The following NFIA variants were observed in gnomAD, a reference collection of about 807,000 sequenced individuals.
NFIA encodes nuclear factor I A.
In NFIA, 8 loss-of-function variants were observed where a neutral mutation model predicts 62.8. That is an observed-to-expected ratio of 0.13 (90% CI 0.07 to 0.23). The LOEUF (loss-of-function observed/expected upper bound fraction) is 0.23. Ranked by LOEUF, NFIA falls within the 10% of genes least tolerant of loss-of-function variation. The probability of loss-of-function intolerance (pLI) is 1.00; values close to 1 mark genes in which losing one functional copy is unlikely to be tolerated. For missense variants in NFIA, 410 were observed against 642.1 expected (o/e 0.64, Z 3.91); for synonymous variants, 235 against 238.1 (o/e 0.99, Z 0.12).
At chr1:61,296,148 A>G (rs1240792511) in intron 3 of NFIA, among the ~76,000 whole-genome samples, 1 of 152,216 alleles carries the variant, frequency 6.6e-6, no homozygotes, top group Non-Finnish European at 1.5e-5. Flanking sequence ...TTAAAAGTAT[A>G]AGCATCCAAA....
At chr1:61,411,655 A>T (rs958749438) in intron 9 of NFIA, among the ~76,000 whole-genome samples, 1 of 152,022 alleles carries the variant, frequency 6.6e-6, no homozygotes, top group African/African-American at 2.4e-5. Context: ...TGAACAAAAT[A>T]GTGAGTACGA....
At chr1:61,306,899 T>G (rs1338698181) in intron 3 of NFIA, among the ~76,000 whole-genome samples, 1 of 152,078 alleles carries the variant, frequency 6.6e-6, no homozygotes, top group Non-Finnish European at 1.5e-5. Context: ...TAAGCCAAAG[T>G]TTAGGAACCA....
At chr1:61,137,651 T>G (rs1206103439) in intron 2 of NFIA, among the ~76,000 whole-genome samples, 1 of 152,164 alleles carries the variant, frequency 6.6e-6, no homozygotes, top group Non-Finnish European at 1.5e-5. Context: ...GGCGTTAGCA[T>G]TTTTTAAAGC....
chr1:61,300,809 C>A (rs1570540597), intron 3 of NFIA, among the ~76,000 whole-genome samples: 1 of 151,746 alleles, frequency 6.6e-6, no homozygotes, highest in Non-Finnish European at 1.5e-5. Flanking sequence ...CATGTATAAA[C>A]CTCCATTTTT....
intron 2 of NFIA, among the ~76,000 whole-genome samples, chr1:61,141,507 G>A (rs1320479997): frequency 6.6e-6 from 1 of 152,180 alleles, no homozygotes; most frequent in Admixed American, 6.5e-5. Context: ...AGCCCTTGAA[G>A]GGGAGGCAAT....
At chr1:61,299,722 A>G (rs1307642432) in intron 3 of NFIA, among the ~76,000 whole-genome samples, 1 of 152,182 alleles carries the variant, frequency 6.6e-6, no homozygotes, top group Non-Finnish European at 1.5e-5. Context: ...TGTTTGTATT[A>G]CAATGCTCTG....
chr1:61,446,984 G>A (rs910622195), intron 10 of NFIA, among the ~76,000 whole-genome samples: 10 of 152,310 alleles, frequency 6.6e-5, no homozygotes, highest in African/African-American at 2.4e-4. Context: ...CCAACCCCAA[G>A]TGTTTCTGTC....
At chr1:61,427,623 G>A (rs1666928487) in intron 10 of NFIA, among the ~76,000 whole-genome samples, 1 of 152,152 alleles carries the variant, frequency 6.6e-6, no homozygotes, top group South Asian at 2.1e-4. Context: ...AAGGGCTTTG[G>A]TTTATTGCTA....
chr1:61,134,305 T>G (rs189003113), intron 2 of NFIA, among the ~76,000 whole-genome samples: 108 of 151,892 alleles, frequency 7.1e-4, no homozygotes, highest in African/African-American at 2.5e-3. Context: ...ATCCTTTATC[T>G]CTTTGCTTCT....
chr1:61,283,581 C>CAAAAAAAAAAAAAAAAAAAAAA (rs576613886), intron 3 of NFIA, among the ~76,000 whole-genome samples: 10 of 36,692 alleles, frequency 2.7e-4, no homozygotes, highest in Non-Finnish European at 4.8e-4. Context: ...GACTCTGTCT[C>CAAAAAAAAAAAAAAAAAAAAAA]AAAAAAAAAA....
At chr1:61,145,807 A>G (rs1371195008) in intron 2 of NFIA, among the ~76,000 whole-genome samples, 2 of 152,184 alleles carry the variant, frequency 1.3e-5, no homozygotes, top group Non-Finnish European at 2.9e-5. Flanking sequence ...CTCTTCATTA[A>G]TGAACGCTGT....
At chr1:61,423,918 G>A (rs983420383) in intron 9 of NFIA, among the ~76,000 whole-genome samples, 3 of 151,952 alleles carry the variant, frequency 2.0e-5, no homozygotes, top group East Asian at 1.9e-4. Context: ...ACTTGCCTGG[G>A]CACCATTTGT....
intron 2 of NFIA, among the ~76,000 whole-genome samples, chr1:61,255,926 G>T (rs764500362): frequency 7.9e-5 from 12 of 152,106 alleles, no homozygotes; most frequent in Admixed American, 5.2e-4. Flanking sequence ...TGTGGCCGCT[G>T]CTAGGCTGCC....
intron 3 of NFIA, among the ~76,000 whole-genome samples, chr1:61,296,675 C>T (rs1659203903): frequency 6.6e-6 from 1 of 152,126 alleles, no homozygotes; most frequent in South Asian, 2.1e-4. Flanking sequence ...ACTCTTATCT[C>T]TGCTTTTGAG....
intron 6 of NFIA, among the ~76,000 whole-genome samples, chr1:61,363,615 A>AAT (rs1663422070): frequency 6.6e-6 from 1 of 151,694 alleles, no homozygotes; most frequent in Non-Finnish European, 1.5e-5. Context: ...AAAAAAAAAA[A>AAT]ATTATAATAA....
In NFIA at chr1:61,384,810, G is replaced by A. The variant is rs145889834; in HGVS notation, c.1075+1445G>A. ...GCAGGAGCTCAGTATTGGGGGGACC[G>A]TGGAGGTTCATTCACTCTTTAAACA... is the stretch of plus-strand genomic sequence containing the variant. On this transcript the variant is annotated intron_variant, in intron 7 of 10. Transcript: ENST00000403491. Among the ~76,000 whole-genome samples, 714 of 152,256 alleles carry A rather than the reference G, an allele frequency of 4.7e-3. 10 individuals are homozygous for A. The highest frequency in any genetic ancestry group is 0.041 in the East Asian group (213 of 5,178).
At chr1:61,126,356 T>C (rs771654846) in intron 2 of NFIA, among the ~76,000 whole-genome samples, 1 of 152,034 alleles carries the variant, frequency 6.6e-6, no homozygotes. Context: ...CAATTCTCTT[T>C]CCTTATGCAG....
intron 2 of NFIA, among the ~76,000 whole-genome samples, chr1:61,147,194 A>G (rs868010959): frequency 4.6e-5 from 7 of 151,412 alleles, no homozygotes; most frequent in Non-Finnish European, 8.8e-5. Flanking sequence ...TCTGTTGCCC[A>G]GGCTGGCATC....
At chr1:61,370,198 C>A (rs565492810) in intron 6 of NFIA, among the ~76,000 whole-genome samples, 1 of 152,330 alleles carries the variant, frequency 6.6e-6, no homozygotes, top group Non-Finnish European at 1.5e-5. Context: ...ACAATAATGC[C>A]TATTTATCCA....
Sources: gnomAD v4.1 joint callset for allele counts (sites outside exome capture counted in the v4.1 genomes callset) on GRCh38, gnomAD v4.1.1 for gene constraint, MANE v1.5 for transcripts, NCBI Gene and HGNC (gene_info 2026-07-23, HGNC 2026-07-21) for gene names.